The following MAPK3 variants were observed in gnomAD, a reference collection of about 807,000 sequenced individuals.
MAPK3 encodes MAPK 1.
MAPK3 carries 30 observed loss-of-function variants against 41.8 expected under a neutral mutation model. That is an observed-to-expected ratio of 0.72 (90% CI 0.54 to 0.97). The LOEUF is 0.97. Ranked by LOEUF, MAPK3 falls within the 50% of genes least tolerant of loss-of-function variation. The pLI is 0.00. For missense variants in MAPK3, 413 were observed against 509.9 expected (o/e 0.81, Z 1.83); for synonymous variants, 222 against 213.4 (o/e 1.04, Z -0.35).
chr16:30,120,952 G>A lies in MAPK3; in HGVS notation c.353+872C>T, dbSNP rs569545222. Among the ~76,000 whole-genome samples the A allele has an allele frequency of 7.0e-4, 106 of 151,820 alleles. 1 individual carries two copies. The highest frequency in any genetic ancestry group is 2.2e-3 in the African/African-American group (90 of 41,408). On this transcript the variant is annotated intron_variant, in intron 2 of 8. Transcript: ENST00000263025. ...TCTGGTCTTAGCCTCCCAAAGTGTT[G>A]GGACTACAGATGTGAGCCATTGCAC...
At chr16:30,123,018 C>G in intron 1 of MAPK3, 22 bp downstream of exon 1, 1 of 1,482,210 alleles carries the variant, frequency 6.7e-7, no homozygotes. Context: ...AGGGCACCCC[C>G]TCCCCCGGAA....
chr16:30,118,657 T>A (rs61764214), intron 2 of MAPK3, 119 bp from the exon 3 acceptor site: 1 of 735,622 alleles, frequency 1.4e-6, no homozygotes, highest in Non-Finnish European at 2.2e-6. Flanking sequence ...TGGGACTCAA[T>A]AGATCTGCCA....
intron 5 of MAPK3, 53 bp from the exon 6 acceptor site, chr16:30,117,338 A>G: frequency 6.3e-7 from 1 of 1,591,418 alleles, no homozygotes; most frequent in Non-Finnish European, 8.6e-7. Context: ...TTCTGGGAAC[A>G]GAATAGGCAA....
chr16:30,122,358 C>T, intron 1 of MAPK3: 1 of 361,592 alleles, frequency 2.8e-6, no homozygotes, highest in South Asian at 2.5e-5. Context: ...GCTGGGGACA[C>T]ACCATGGGGC....
intron 8 of MAPK3, among the ~76,000 whole-genome samples, chr16:30,115,184 A>G (rs1434001994): frequency 1.3e-5 from 2 of 152,114 alleles, no homozygotes; most frequent in Non-Finnish European, 2.9e-5. Flanking sequence ...GCACCACTGC[A>G]TTCCAGCCTG....
Position 30,118,403 on chromosome 16 carries a change from G to A in MAPK3, c.489C>T (p.Leu163=), listed in dbSNP as rs1478659254. ...GLKYIHSANV[L]HRDLKPSNLL... ...GGTTGGAGGGCTTTAGATCTCGGTG[G>A]AGCACGTTGGCGGAGTGGATGTACT... The change falls in exon 3 of 9, where the codon CTC becomes CTT. Residue 163 remains leucine (L), a synonymous_variant. Transcript: ENST00000263025. The A allele has an allele frequency of 6.2e-7, 1 of 1,612,918 alleles. No individual in the cohort carries two copies. Among genetic ancestry groups the A allele is most frequent in the Non-Finnish European group, 8.5e-7 (1 of 1,179,694 alleles).
intron 2 of MAPK3, among the ~76,000 whole-genome samples, chr16:30,120,875 G>C (rs188338975): frequency 1.1e-3 from 170 of 151,414 alleles, no homozygotes; most frequent in African/African-American, 4.0e-3. Flanking sequence ...GTAGAGGTGG[G>C]GTCTCACTAT....
intron 6 of MAPK3, 41 bp downstream of exon 6, chr16:30,117,093 GCTCACACACCCTCCACGACA>G: frequency 6.2e-7 from 1 of 1,606,198 alleles, no homozygotes; most frequent in Non-Finnish European, 8.5e-7. Context: ...CGGCTGCTGG[GCTCACACACCCTCCACGACA>G]CCCAAGGTTT....
Position 30,118,368 on chromosome 16 carries a change from T to G in MAPK3, c.524A>C (p.Asn175Thr), listed in dbSNP as rs191342631. 2 of 1,612,406 alleles carry G rather than the reference T, an allele frequency of 1.2e-6. No homozygotes were observed. Among genetic ancestry groups the G allele is most frequent in the Non-Finnish European group, 8.5e-7 (1 of 1,178,984 alleles). The change falls in exon 3 of 9, where the codon AAC (asparagine) becomes ACC (threonine). Residue 175 changes from asparagine (N) to threonine (T), a missense_variant. By Grantham distance (65) the Asn-to-Thr change is moderately conservative. This residue lies in a region of MAPK3 where 140 missense variants were observed against 206.0 expected (regional missense o/e 0.68). Transcript: ENST00000263025. Reference sequence around the variant, plus strand: ...TCTGACCTTAAGGTCGCAGGTGGTGTTGATGAGCAGGTTGGAGGGCTTTAG... The same window carrying G: ...TCTGACCTTAAGGTCGCAGGTGGTGGTGATGAGCAGGTTGGAGGGCTTTAG... The part of the protein sequence containing the change: ...RDLKPSNLLI[N>T]TTCDLKICDF...
chr16:30,122,888 C>T, intron 1 of MAPK3, 152 bp downstream of exon 1: 1 of 667,710 alleles, frequency 1.5e-6, no homozygotes, highest in East Asian at 3.5e-5. Flanking sequence ...CTCAGGGGCC[C>T]CCTCCCTGGG....
intron 1 of MAPK3, chr16:30,122,664 C>T (rs956356658): frequency 4.3e-4 from 80 of 186,496 alleles, no homozygotes; most frequent in Non-Finnish European, 2.5e-4. Flanking sequence ...TCCAAGACAC[C>T]CTTTCCCCCA....
chr16:30,119,980 T>C (rs58483534), intron 2 of MAPK3, among the ~76,000 whole-genome samples: 21,168 of 152,026 alleles, frequency 0.14, 2,444 homozygotes, highest in African/African-American at 0.32. Flanking sequence ...GCCAGCCTGG[T>C]GAACAGGGCG....
rs11864737 is a variant in MAPK3, at chr16:30,118,791, G to A, written c.354-253C>T. ...TTTCTGAGGCCTCAGTTTCCCTACCGGGGAAACGGGGATAATAATAAACTG... is the reference window on the plus strand; with the variant it reads ...TTTCTGAGGCCTCAGTTTCCCTACCAGGGAAACGGGGATAATAATAAACTG... On this transcript the variant is annotated intron_variant, in intron 2 of 8. Coordinates refer to ENST00000263025, the MANE Select transcript of MAPK3 (RefSeq NM_002746.3). Among the ~76,000 whole-genome samples the A allele has an allele frequency of 0.018, 2,687 of 152,066 alleles. 83 individuals carry two copies. The highest frequency in any genetic ancestry group is 0.061 in the African/African-American group (2,547 of 41,444).
Position 30,117,242 on chromosome 16 carries a change from G to A in MAPK3, c.819C>T (p.Ile273=). 1 of 1,614,090 alleles carries A rather than the reference G, an allele frequency of 6.2e-7. No individual in the cohort carries two copies. The highest frequency in any genetic ancestry group is 8.5e-7 in the Non-Finnish European group (1 of 1,179,982). Residue 273 remains isoleucine, a synonymous_variant, in exon 6 of 9, where the codon ATC becomes ATT. Coordinates refer to ENST00000263025, the MANE Select transcript of MAPK3 (RefSeq NM_002746.3). ...GTAGGTAGTTTCGGGCCTTCATGTT[G>A]ATGATACAATTCAGGTCCTCCTGGG... ...SPSQEDLNCI[I]NMKARNYLQS...
At chr16:30,123,019 T>TC in intron 1 of MAPK3, 21 bp downstream of exon 1, 2 of 715,594 alleles carry the variant, frequency 2.8e-6, no homozygotes, top group South Asian at 2.9e-5. Flanking sequence ...GGGCACCCCC[T>TC]CCCCCGGAAC....
rs1193356465 is a variant in MAPK3, at chr16:30,123,150, G to T, written c.60C>A (p.Val20=). The T allele has an allele frequency of 1.3e-6, 2 of 1,506,094 alleles. No individual in the cohort carries two copies. Among genetic ancestry groups the T allele is most frequent in the African/African-American group, 1.4e-5 (1 of 69,308 alleles). The allele number at this position is 1,506,094 out of a possible 1,614,324, so 93.3% of individuals were successfully genotyped here. Residue 20 remains valine, a synonymous_variant, in exon 1 of 9, where the codon GTC becomes GTA. Coordinates refer to ENST00000263025, the MANE Select transcript of MAPK3 (RefSeq NM_002746.3). ...GGGEPRRTEG[V]GPGVPGEVEM... ...CCACCTCCCCCGGGACCCCCGGGCC[G>T]ACCCCCTCGGTTCTACGGGGCTCCC...
Position 30,117,202 on chromosome 16 carries a change from T to C in MAPK3, c.859A>G (p.Lys287Glu), listed in dbSNP as rs1567354680. ...ARNYLQSLPS[K>E]TKVAWAKLFP... ...AGCTTGGCCCAAGCCACCTTGGTCT[T>C]GGAGGGCAGAGACTGTAGGTAGTTT... The change falls in exon 6 of 9, where the codon AAG becomes GAG. Residue 287 changes from lysine to glutamate, a missense_variant. Around this residue, in one of 4 missense-constraint regions of MAPK3, gnomAD observed 123 missense variants for 147.8 expected, o/e 0.83. Transcript: ENST00000263025. 1 of 1,614,136 alleles carries C rather than the reference T, an allele frequency of 6.2e-7. No homozygotes were observed. The highest frequency in any genetic ancestry group is 2.2e-5 in the East Asian group (1 of 44,882).
chr16:30,123,148 C>G lies in MAPK3; in HGVS notation c.62G>C (p.Gly21Ala). 6.6e-7 allele frequency: 1 copy of G among 1,522,164 alleles called. No homozygotes were observed. Among genetic ancestry groups the G allele is most frequent in the Non-Finnish European group, 8.8e-7 (1 of 1,130,636 alleles). The allele number at this position is 1,522,164 out of a possible 1,614,324, so 94.3% of individuals were successfully genotyped here. ...CTCCACCTCCCCCGGGACCCCCGGGCCGACCCCCTCGGTTCTACGGGGCTC... is the reference window on the plus strand; with the variant it reads ...CTCCACCTCCCCCGGGACCCCCGGGGCGACCCCCTCGGTTCTACGGGGCTC... ...GGEPRRTEGV[G>A]PGVPGEVEMV... The change falls in exon 1 of 9, where the codon GGC becomes GCC. Residue 21 changes from glycine to alanine, a missense_variant. By Grantham distance (60) the Gly-to-Ala change is moderately conservative. Coordinates refer to ENST00000263025, the MANE Select transcript of MAPK3 (RefSeq NM_002746.3).
At chr16:30,117,329 T>C in intron 5 of MAPK3, 44 bp from the exon 6 acceptor site, 1 of 1,606,240 alleles carries the variant, frequency 6.2e-7, no homozygotes, top group Non-Finnish European at 8.5e-7. Flanking sequence ...CCTCTTTCTT[T>C]CTGGGAACAG....
Sources: gnomAD v4.1 joint callset for allele counts (sites outside exome capture counted in the v4.1 genomes callset) on GRCh38, gnomAD v4.1.1 for gene constraint, gnomAD v4.1.1 regional missense constraint, MANE v1.5 for transcripts, NCBI Gene and HGNC (gene_info 2026-07-23, HGNC 2026-07-21) for gene names.